The following STOX1 variants were observed in gnomAD, a reference collection of about 807,000 sequenced individuals.
STOX1 encodes storkhead-box protein 1.
In STOX1, 57 loss-of-function variants were observed where a neutral mutation model predicts 74.8. That is an observed-to-expected ratio of 0.76 (90% CI 0.62 to 0.95). The LOEUF (loss-of-function observed/expected upper bound fraction) is 0.95. Ranked by LOEUF, STOX1 falls within the 40% of genes least tolerant of loss-of-function variation. The probability of loss-of-function intolerance (pLI) is 0.00; values close to 1 mark genes in which losing one functional copy is unlikely to be tolerated. For missense variants in STOX1, 1,010 were observed against 1,117.0 expected, an observed-to-expected ratio of 0.90 and a Z score of 1.37; for synonymous variants, 375 against 401.3, an observed-to-expected ratio of 0.93 and a Z score of 0.78.
chr10:68,884,222 T>G (rs1489342958), intron 2 of STOX1, 38 bp from the exon 3 acceptor site: 1 of 1,599,124 alleles, frequency 6.3e-7, no homozygotes, highest in Non-Finnish European at 8.6e-7. Flanking sequence ...AAATTTTTCT[T>G]ATTCAAAATC....
chr10:68,855,614 T>G (rs568169690), intron 1 of STOX1, among the ~76,000 whole-genome samples: 1 of 151,830 alleles, frequency 6.6e-6, no homozygotes, highest in African/African-American at 2.4e-5. Flanking sequence ...TTTTTAAATT[T>G]TTAAATTTTT....
chr10:68,874,520 A>G (rs564026649), intron 1 of STOX1, among the ~76,000 whole-genome samples: 4 of 152,202 alleles, frequency 2.6e-5, no homozygotes, highest in Admixed American at 2.6e-4. Flanking sequence ...ACCTCCATAT[A>G]TTAATTTATA....
chr10:68,880,269 A>G (rs1363209387), intron 1 of STOX1, among the ~76,000 whole-genome samples: 1 of 150,486 alleles, frequency 6.6e-6, no homozygotes, highest in Non-Finnish European at 1.5e-5. Context: ...TTCAGCCTCT[A>G]ACTCCTGGGC....
intron 1 of STOX1, among the ~76,000 whole-genome samples, chr10:68,873,467 T>G (rs1230734159): frequency 6.7e-6 from 1 of 150,350 alleles, no homozygotes; most frequent in Non-Finnish European, 1.5e-5. Context: ...TTCACCGTGT[T>G]AGCCAGGATG....
chr10:68,878,214 A>G (rs994608393), intron 1 of STOX1, among the ~76,000 whole-genome samples: 6 of 152,216 alleles, frequency 3.9e-5, no homozygotes, highest in Middle Eastern at 3.2e-3. Context: ...CAGTTATATC[A>G]AAGAAGCATA....
chr10:68,862,573 C>T (rs570972377), intron 1 of STOX1, among the ~76,000 whole-genome samples: 1 of 151,972 alleles, frequency 6.6e-6, no homozygotes, highest in Non-Finnish European at 1.5e-5. Context: ...TAATAGTTTC[C>T]ACAAATCCTT....
At chr10:68,879,997 G>A (rs1170695889) in intron 1 of STOX1, among the ~76,000 whole-genome samples, 3 of 152,036 alleles carry the variant, frequency 2.0e-5, no homozygotes, top group Admixed American at 6.5e-5. Context: ...TGGGACCATT[G>A]TTCATCCTAT....
rs142644992 is a variant in STOX1 at position 68,883,149 on chromosome 10, G to T, written c.463+1039G>T. On this transcript the variant is annotated intron_variant, in intron 2 of 3. Transcript: ENST00000298596. ...TCCCAGCACTTTGGGAGGCCAAGGT[G>T]GGCGGATCACGAGGTCAAGAGATTG... Among the ~76,000 whole-genome samples, 920 of 151,876 alleles carry T rather than the reference G, an allele frequency of 6.1e-3. 10 individuals are homozygous for T. Among genetic ancestry groups the T allele is most frequent in the African/African-American group, 0.021 (880 of 41,416 alleles).
chr10:68,837,730 C>T (rs912753550), intron 1 of STOX1, among the ~76,000 whole-genome samples: 6 of 152,152 alleles, frequency 3.9e-5, no homozygotes, highest in African/African-American at 1.4e-4. Context: ...GGATCTAATC[C>T]CTTGTCACTA....
chr10:68,862,548 C>T (rs2133562569), intron 1 of STOX1, among the ~76,000 whole-genome samples: 1 of 152,190 alleles, frequency 6.6e-6, no homozygotes, highest in South Asian at 2.1e-4. Flanking sequence ...TAATCTTGAT[C>T]TTATTAAGAG....
At chr10:68,859,313 A>G (rs756898727) in intron 1 of STOX1, among the ~76,000 whole-genome samples, 7 of 152,098 alleles carry the variant, frequency 4.6e-5, no homozygotes, top group Non-Finnish European at 8.8e-5. Context: ...GACAGTTCTT[A>G]TCTTCCCCTC....
intron 1 of STOX1, among the ~76,000 whole-genome samples, chr10:68,845,888 C>T (rs893506948): frequency 2.6e-5 from 4 of 151,628 alleles, no homozygotes; most frequent in Non-Finnish European, 5.9e-5. Flanking sequence ...AGGTGTGACC[C>T]ACCGCACCCA....
intron 1 of STOX1, among the ~76,000 whole-genome samples, chr10:68,859,803 G>A (rs1438006614): frequency 2.0e-5 from 3 of 152,020 alleles, no homozygotes; most frequent in Admixed American, 2.0e-4. Flanking sequence ...CAGCAAGGCT[G>A]TCTGAGACTT....
rs75874210 is a variant in STOX1, at chr10:68,829,378, G to A, written c.310+1445G>A. ...TAAAAATACAAAAATTAGCCGGGGC[G>A]TGGTGGCAGGTTCCTGTAATCCCAG... On this transcript the variant is annotated intron_variant, in intron 1 of 3. Coordinates refer to ENST00000298596, the MANE Select transcript of STOX1 (RefSeq NM_152709.5). Among the ~76,000 whole-genome samples, 726 of 152,224 alleles carry A rather than the reference G, an allele frequency of 4.8e-3. 5 individuals are homozygous for A. Among genetic ancestry groups the A allele is most frequent in the African/African-American group, 0.016 (672 of 41,548 alleles).
At chr10:68,849,899 T>G (rs2133533030) in intron 1 of STOX1, among the ~76,000 whole-genome samples, 1 of 152,300 alleles carries the variant, frequency 6.6e-6, no homozygotes, top group African/African-American at 2.4e-5. Flanking sequence ...TTCACAACCC[T>G]AAGAAAGATA....
chr10:68,828,373 G>T, intron 1 of STOX1: 1 of 921,620 alleles, frequency 1.1e-6, no homozygotes, highest in Non-Finnish European at 1.3e-6. Context: ...ACAGAGGCTA[G>T]GCGCTGCTCT....
intron 1 of STOX1, among the ~76,000 whole-genome samples, chr10:68,865,243 TG>T (rs1468616149): frequency 3.9e-5 from 6 of 152,370 alleles, no homozygotes; most frequent in African/African-American, 1.2e-4. Context: ...CCAATGAAAA[TG>T]CTTAGCAGGC....
intron 1 of STOX1, among the ~76,000 whole-genome samples, chr10:68,863,575 A>C (rs1163924269): frequency 6.6e-6 from 1 of 152,132 alleles, no homozygotes; most frequent in Non-Finnish European, 1.5e-5. Flanking sequence ...CTAGCATTAG[A>C]TATTGCAGTA....
chr10:68,894,710 TAAGAG>T (rs1368916648), downstream of STOX1, among the ~76,000 whole-genome samples: 1 of 152,088 alleles, frequency 6.6e-6, no homozygotes, highest in East Asian at 1.9e-4. Context: ...GAATGGAAGT[TAAGAG>T]AAGTATTTTA....
Sources: gnomAD v4.1 joint callset for allele counts (sites outside exome capture counted in the v4.1 genomes callset) on GRCh38, gnomAD v4.1.1 for gene constraint, MANE v1.5 for transcripts, NCBI Gene and HGNC (gene_info 2026-07-23, HGNC 2026-07-21) for gene names.